Variants in RGS7BP observed in about 807,000 individuals in gnomAD.
The protein encoded by RGS7BP is regulator of G protein signaling 7 binding protein, also known as regulator of G protein signaling 7-binding protein.
A neutral mutation model predicts 31.3 loss-of-function variants in RGS7BP; 9 were observed. The ratio of observed to expected loss-of-function variants is 0.29; its 90% CI spans 0.17 to 0.50. RGS7BP has a LOEUF of 0.50. Ranked by LOEUF, RGS7BP falls within the 20% of genes least tolerant of loss-of-function variation. RGS7BP has a pLI of 0.98. For missense variants in RGS7BP, 274 were observed against 322.0 expected, an observed-to-expected ratio of 0.85 and a Z score of 1.14; for synonymous variants, 115 against 120.1, an observed-to-expected ratio of 0.96 and a Z score of 0.28.
At position 64,611,515 on chromosome 5, in the gene RGS7BP, A is replaced by C. The variant is rs1016501640; in HGVS notation, c.*2263A>C. Reference sequence around the variant, plus strand: ...ACAACTGAAGACTGTTAATAAATTCAGGTCTCACCTCCATGTCTGAAAAGG... The same window carrying C: ...ACAACTGAAGACTGTTAATAAATTCCGGTCTCACCTCCATGTCTGAAAAGG... On this transcript the variant is annotated 3_prime_UTR_variant, in exon 6 of 6. Transcript: ENST00000334025. 1.5e-4 allele frequency: 23 copies of C among 152,374 alleles called. No homozygotes were observed. Among genetic ancestry groups the C allele is most frequent in the East Asian group, 1.4e-3 (7 of 5,142 alleles). The allele number at this position is 152,374 out of a possible 1,614,324, so 9.4% of individuals were successfully genotyped here. A position where few individuals can be genotyped will look rare whatever the true frequency, so the allele number is the denominator to read the frequency against.
At chr5:64,537,307 A>G (rs1408273670) in intron 2 of RGS7BP, among the ~76,000 whole-genome samples, 2 of 152,224 alleles carry the variant, frequency 1.3e-5, no homozygotes, top group Non-Finnish European at 2.9e-5. Flanking sequence ...GTTTTAAGAA[A>G]GTTTACAAAT....
intron 2 of RGS7BP, among the ~76,000 whole-genome samples, chr5:64,570,369 C>A (rs2111886209): frequency 6.6e-6 from 1 of 152,080 alleles, no homozygotes; most frequent in East Asian, 1.9e-4. Context: ...GAAACTGAGT[C>A]TCGGAGAAGT....
At chr5:64,524,785 C>CT (rs753411284) in intron 2 of RGS7BP, among the ~76,000 whole-genome samples, 6 of 152,120 alleles carry the variant, frequency 3.9e-5, no homozygotes, top group Non-Finnish European at 7.4e-5. Context: ...TCTCCCTCTC[C>CT]TGCTTCAGCT....
intron 2 of RGS7BP, among the ~76,000 whole-genome samples, chr5:64,525,195 C>T (rs968790520): frequency 6.6e-6 from 1 of 151,896 alleles, no homozygotes; most frequent in South Asian, 2.1e-4. Context: ...AGCAGATAGG[C>T]GTATGCAAAT....
chr5:64,585,711 T>C (rs1742729553), intron 3 of RGS7BP, among the ~76,000 whole-genome samples: 1 of 152,210 alleles, frequency 6.6e-6, no homozygotes, highest in South Asian at 2.1e-4. Context: ...TGTTATGTGC[T>C]TCATGGGTGG....
chr5:64,533,950 T>G (rs566724418), intron 2 of RGS7BP, among the ~76,000 whole-genome samples: 2 of 152,262 alleles, frequency 1.3e-5, no homozygotes, highest in African/African-American at 4.8e-5. Context: ...AGGGGACATA[T>G]GATAAATAAG....
At chr5:64,545,734 T>C (rs1429906764) in intron 2 of RGS7BP, among the ~76,000 whole-genome samples, 1 of 152,204 alleles carries the variant, frequency 6.6e-6, no homozygotes, top group Admixed American at 6.5e-5. Flanking sequence ...ACTCATTAAA[T>C]TCCAGCTTGG....
At chr5:64,576,364 C>A (rs1742429630) in intron 3 of RGS7BP, among the ~76,000 whole-genome samples, 1 of 152,122 alleles carries the variant, frequency 6.6e-6, no homozygotes, top group South Asian at 2.1e-4. Context: ...TGGCTTAAAC[C>A]ATAAAGGAAA....
At chr5:64,577,682 T>TA (rs1256208277) in intron 3 of RGS7BP, among the ~76,000 whole-genome samples, 1 of 152,186 alleles carries the variant, frequency 6.6e-6, no homozygotes, top group East Asian at 1.9e-4. Flanking sequence ...ATTGAATACT[T>TA]ATGACATCCA....
chr5:64,519,636 T>C (rs1433584527), intron 2 of RGS7BP, among the ~76,000 whole-genome samples: 2 of 152,240 alleles, frequency 1.3e-5, no homozygotes. Context: ...ACTATTTGTC[T>C]GTTTTGAACC....
intron 2 of RGS7BP, among the ~76,000 whole-genome samples, chr5:64,537,190 C>T (rs1352589121): frequency 5.9e-5 from 9 of 152,194 alleles, no homozygotes; most frequent in Non-Finnish European, 1.5e-5. Flanking sequence ...AATCTTTTGG[C>T]TTCCCTGGGC....
intron 2 of RGS7BP, among the ~76,000 whole-genome samples, chr5:64,509,955 AC>A (rs1748789091): frequency 6.6e-6 from 1 of 152,178 alleles, no homozygotes; most frequent in Non-Finnish European, 1.5e-5. Flanking sequence ...TTAGTTCCTC[AC>A]CATCTGGGCT....
chr5:64,524,540 A>G lies in RGS7BP; in HGVS notation c.332+16663A>G, dbSNP rs1300306569. 3.3e-5 allele frequency among the ~76,000 whole-genome samples: 5 copies of G among 152,212 alleles called. No individual in the cohort carries two copies. In the East Asian group the frequency reaches 7.7e-4, roughly 23 times the overall value. On this transcript the variant is annotated intron_variant, in intron 2 of 5. Coordinates refer to ENST00000334025, the MANE Select transcript of RGS7BP (RefSeq NM_001029875.3). ...CTATGAAAATTTAATTTTTTCCTCT[A>G]TAATTTCTTCTAATTATAGATTCAA...
At chr5:64,509,113 T>TA (rs1748765031) in intron 2 of RGS7BP, among the ~76,000 whole-genome samples, 1 of 152,116 alleles carries the variant, frequency 6.6e-6, no homozygotes, top group South Asian at 2.1e-4. Flanking sequence ...TAACAAGAAG[T>TA]AAATCCGGGA....
intron 2 of RGS7BP, among the ~76,000 whole-genome samples, chr5:64,548,359 G>A (rs1441938618): frequency 3.3e-5 from 5 of 152,144 alleles, no homozygotes; most frequent in Non-Finnish European, 7.4e-5. Flanking sequence ...CTTTATAAAA[G>A]TGACACTGAA....
intron 5 of RGS7BP, among the ~76,000 whole-genome samples, chr5:64,607,473 A>T (rs1323441036): frequency 6.6e-6 from 1 of 152,018 alleles, no homozygotes; most frequent in Non-Finnish European, 1.5e-5. Flanking sequence ...GGACAACTGG[A>T]AGCGGGGCTT....
intron 5 of RGS7BP, chr5:64,601,351 T>C: frequency 3.8e-6 from 2 of 532,014 alleles, no homozygotes; most frequent in South Asian, 8.1e-5. Flanking sequence ...AACTGTTCCA[T>C]GTTTATTTCA....
At chr5:64,521,547 G>A (rs539802112) in intron 2 of RGS7BP, among the ~76,000 whole-genome samples, 6 of 152,256 alleles carry the variant, frequency 3.9e-5, no homozygotes, top group Admixed American at 6.5e-5. Context: ...ATGAGCCACC[G>A]CGCCTGGCCT....
intron 2 of RGS7BP, among the ~76,000 whole-genome samples, chr5:64,550,852 T>C (rs1331188143): frequency 6.6e-6 from 1 of 151,570 alleles, no homozygotes; most frequent in Non-Finnish European, 1.5e-5. Context: ...GTCCTTGCGA[T>C]AGTTTGCTAA....
Sources: allele counts gnomAD v4.1 joint callset (sites outside exome capture counted in the v4.1 genomes callset), GRCh38; gene constraint gnomAD v4.1.1; transcripts MANE v1.5; gene names NCBI Gene and HGNC (gene_info 2026-07-23, HGNC 2026-07-21).